Variants in COL9A1 observed in about 807,000 individuals in gnomAD.
COL9A1 encodes the protein collagen type IX alpha 1 chain, also known as collagen alpha-1(IX) chain.
Under a neutral mutation model 142.6 loss-of-function variants are expected in COL9A1, and 104 were observed. The ratio of observed to expected loss-of-function variants is 0.73; its 90% CI spans 0.62 to 0.86. COL9A1 has a LOEUF of 0.86. COL9A1 is among the 40% of genes least tolerant of loss of function. The pLI is 0.00. For missense variants in COL9A1, 1,210 were observed against 1,176.6 expected, an observed-to-expected ratio of 1.03 and a Z score of -0.42; for synonymous variants, 466 against 396.0, an observed-to-expected ratio of 1.18 and a Z score of -2.10.
rs2127566645 is a variant in COL9A1, at chr6:70,242,684, G to T, written c.1904C>A (p.Ser635Tyr). Residue 635 changes from serine to tyrosine, a missense_variant, in exon 29 of 38, where the codon TCC (serine) becomes TAC (tyrosine). Transcript: ENST00000357250. ...TACCAGTTTACCTGGTAGGCCTGGG[G>T]ATCCCACTGGTCCTAATTCTCCTCT... ...GSRGELGPVG[S>Y]PGLPGKLGSL... The T allele has an allele frequency of 3.1e-6, 5 of 1,614,078 alleles. No homozygotes were observed. The highest frequency in any genetic ancestry group is 4.2e-6 in the Non-Finnish European group (5 of 1,179,962).
intron 28 of COL9A1, among the ~76,000 whole-genome samples, chr6:70,243,459 T>A (rs915200421): frequency 5.3e-5 from 8 of 152,222 alleles, no homozygotes; most frequent in Non-Finnish European, 1.2e-4. Context: ...AAGAAACACA[T>A]GAACTTTTCA....
chr6:70,217,189 T>C (rs1336059637), intron 37 of COL9A1, 108 bp from the exon 38 acceptor site: 2 of 949,140 alleles, frequency 2.1e-6, no homozygotes, highest in Non-Finnish European at 3.3e-6. Flanking sequence ...ACAAACGCTT[T>C]TGGAAGCGAT....
Position 70,232,635 on chromosome 6 carries a change from G to C in COL9A1, c.2451C>G (p.Gly817=). 6.2e-7 allele frequency: 1 copy of C among 1,614,078 alleles called. No homozygotes were observed. Among genetic ancestry groups the C allele is most frequent in the South Asian group, 1.1e-5 (1 of 91,076 alleles). The change falls in exon 36 of 38, where the codon GGC becomes GGG. Residue 817 remains glycine (G), a synonymous_variant. Coordinates refer to ENST00000357250, the MANE Select transcript of COL9A1 (RefSeq NM_001851.6). Reference sequence around the variant, plus strand: ...CAGGGGGCCCCTTAATGCCCGGAAGGCCACGAATTCCCATCTGGCCTGGGA... The same window carrying C: ...CAGGGGGCCCCTTAATGCCCGGAAGCCCACGAATTCCCATCTGGCCTGGGA... ...NGFPGQMGIR[G]LPGIKGPPGA...
rs1256654477 is a variant in COL9A1 at position 70,281,443 on chromosome 6, C to G, written c.823G>C (p.Gly275Arg). The G allele has an allele frequency of 1.9e-6, 3 of 1,612,840 alleles. No homozygotes were observed. Among genetic ancestry groups the G allele is most frequent in the African/African-American group, 1.3e-5 (1 of 74,814 alleles). Residue 275 changes from glycine to arginine, a missense_variant, in exon 8 of 38, where the codon GGT becomes CGT. By Grantham distance (125) the Gly-to-Arg change is moderately radical. Coordinates refer to ENST00000357250, the MANE Select transcript of COL9A1 (RefSeq NM_001851.6). ...TDERGPPGEQ[G>R]PPGPPGPPGV... ...GGGGGGCCCGGAGGCCCGGGAGGAC[C>G]CTGCTCACCCGGGGGACCTCTCTGG...
rs764077236 is a variant in COL9A1, at chr6:70,260,730, A to C, written c.1396-20T>G. The C allele has an allele frequency of 6.2e-7, 1 of 1,612,892 alleles. No individual in the cohort carries two copies. The highest frequency in any genetic ancestry group is 8.5e-7 in the Non-Finnish European group (1 of 1,179,358). On this transcript the variant is annotated intron_variant, in intron 19 of 37. Coordinates refer to ENST00000357250, the MANE Select transcript of COL9A1 (RefSeq NM_001851.6). ...GGCTCCCTGGAAATGTGAAAAAGAG[A>C]AGTGAATTATTTTAGTTGAAGCAAA...
chr6:70,225,152 C>T (rs1769142613), intron 37 of COL9A1, among the ~76,000 whole-genome samples: 2 of 152,168 alleles, frequency 1.3e-5, no homozygotes, highest in Non-Finnish European at 2.9e-5. Flanking sequence ...GCCACTGCCT[C>T]CCCACAATAA....
chr6:70,285,552 T>C (rs2127600937), intron 5 of COL9A1, among the ~76,000 whole-genome samples: 1 of 152,382 alleles, frequency 6.6e-6, no homozygotes, highest in African/African-American at 2.4e-5. Context: ...TTGGCTGGTG[T>C]GAGTACAGTG....
intron 12 of COL9A1, among the ~76,000 whole-genome samples, chr6:70,273,714 A>T (rs6455359): frequency 0.39 from 59,208 of 151,962 alleles, 11,959 homozygotes; most frequent in African/African-American, 0.47. Flanking sequence ...ATACTTAGAT[A>T]TGCTGTTGTT....
intron 28 of COL9A1, among the ~76,000 whole-genome samples, chr6:70,245,495 A>G (rs1770536702): frequency 6.6e-6 from 1 of 152,212 alleles, no homozygotes; most frequent in African/African-American, 2.4e-5. Flanking sequence ...TTAGTCTTCA[A>G]CAGCCTTGGT....
Position 70,242,014 on chromosome 6 carries a change from G to T in COL9A1, c.1948C>A (p.Leu650Ile), listed in dbSNP as rs1269618884. 6.3e-7 allele frequency: 1 copy of T among 1,598,752 alleles called. No individual in the cohort carries two copies. Among genetic ancestry groups the T allele is most frequent in the Non-Finnish European group, 8.5e-7 (1 of 1,171,474 alleles). ...CCAGGGGGCCCAGGCAAGCCAGGGA[G>T]GCCAGGGCTACCCAGAGAACCCTGG... ...GKLGSLGSPG[L>I]PGLPGPPGLP... is the part of the protein sequence containing the mutation. Residue 650 changes from leucine to isoleucine, a missense_variant, in exon 30 of 38, where the codon CTC becomes ATC. Coordinates refer to ENST00000357250, the MANE Select transcript of COL9A1 (RefSeq NM_001851.6).
At position 70,235,596 on chromosome 6, in the gene COL9A1, T is replaced by G. The variant is rs568642799; in HGVS notation, c.2113-656A>C. On this transcript the variant is annotated intron_variant, in intron 33 of 37. Coordinates refer to ENST00000357250, the MANE Select transcript of COL9A1 (RefSeq NM_001851.6). Reference sequence around the variant, plus strand: ...AAGAGGAACTTAGTTTTCAATAAGCTTGTTAACATTTTCTGGCTACATAAA... The same window carrying G: ...AAGAGGAACTTAGTTTTCAATAAGCGTGTTAACATTTTCTGGCTACATAAA... 1.9e-3 allele frequency among the ~76,000 whole-genome samples: 284 copies of G among 152,328 alleles called. 1 individual carries two copies. Among genetic ancestry groups the G allele is most frequent in the African/African-American group, 6.7e-3 (277 of 41,564 alleles).
intron 2 of COL9A1, among the ~76,000 whole-genome samples, chr6:70,301,085 C>T (rs567053372): frequency 6.6e-6 from 1 of 152,116 alleles, no homozygotes; most frequent in Non-Finnish European, 1.5e-5. Flanking sequence ...AGAAAATAAT[C>T]ATGAGAAGGA....
intron 14 of COL9A1, 126 bp downstream of exon 14, chr6:70,271,529 G>A (rs188288725): frequency 1.0e-5 from 8 of 777,910 alleles, no homozygotes; most frequent in Non-Finnish European, 1.8e-5. Context: ...ATTATAAACT[G>A]GAATGAAATT....
chr6:70,261,705 T>C (rs1771700073), intron 19 of COL9A1, among the ~76,000 whole-genome samples: 2 of 152,220 alleles, frequency 1.3e-5, no homozygotes, highest in African/African-American at 2.4e-5. Context: ...TCGAGTGAGA[T>C]GTGGCCATAT....
rs780493076 is a variant in COL9A1 at position 70,240,763 on chromosome 6, A to C, written c.2035-30T>G. The stretch of plus-strand genomic sequence containing the variant: ...AAATTAAGATAAAAGGTTACATTTT[A>C]AAATTCTTAGTCCCATTGCCCAATT... On this transcript the variant is annotated intron_variant, in intron 31 of 37. Transcript: ENST00000357250. 13 of 1,594,302 alleles carry C rather than the reference A, an allele frequency of 8.2e-6. No homozygotes were observed. In the East Asian group the frequency reaches 2.9e-4, roughly 36 times the overall value.
intron 7 of COL9A1, among the ~76,000 whole-genome samples, chr6:70,281,910 C>A (rs1773189500): frequency 6.6e-6 from 1 of 152,130 alleles, no homozygotes; most frequent in Admixed American, 6.5e-5. Flanking sequence ...GGATCTTTGT[C>A]CAGTAGAATG....
chr6:70,299,449 C>G (rs1268577213), intron 4 of COL9A1, among the ~76,000 whole-genome samples: 1 of 152,116 alleles, frequency 6.6e-6, no homozygotes, highest in East Asian at 1.9e-4. Context: ...GATGACAGGA[C>G]TCAACACTTA....
At position 70,286,130 on chromosome 6, in the gene COL9A1, G is replaced by A. The variant is rs370796786; in HGVS notation, c.697-2310C>T. ...TCTCGATCTCTTGACATCTTGATCC[G>A]CCTGCCTCGGCCTCCCAAAGTTCTG... On this transcript the variant is annotated intron_variant, in intron 5 of 37. Coordinates refer to ENST00000357250, the MANE Select transcript of COL9A1 (RefSeq NM_001851.6). Among the ~76,000 whole-genome samples, 33 of 152,090 alleles carry A rather than the reference G, an allele frequency of 2.2e-4. No individual in the cohort carries two copies. The East Asian group carries it at 4.2e-3, about 20-fold the overall frequency.
chr6:70,278,178 T>C (rs1440795908), intron 10 of COL9A1, among the ~76,000 whole-genome samples: 1 of 152,218 alleles, frequency 6.6e-6, no homozygotes, highest in Non-Finnish European at 1.5e-5. Context: ...GCTGTTATTA[T>C]CCATATCATT....
Sources: gnomAD v4.1 joint callset for allele counts (sites outside exome capture counted in the v4.1 genomes callset) on GRCh38, gnomAD v4.1.1 for gene constraint, MANE v1.5 for transcripts, NCBI Gene and HGNC (gene_info 2026-07-23, HGNC 2026-07-21) for gene names.